Variants in CNIH3 observed in about 807,000 individuals in gnomAD.
CNIH3 encodes cornichon family AMPA receptor auxiliary protein 3.
In CNIH3, 14 loss-of-function variants were observed where a neutral mutation model predicts 24.1. That is an observed-to-expected ratio of 0.58 (90% CI 0.38 to 0.91). The LOEUF (loss-of-function observed/expected upper bound fraction) is 0.91, where lower values mean the gene tolerates loss of function less well. Ranked by LOEUF, CNIH3 falls within the 40% of genes least tolerant of loss-of-function variation. The pLI is 0.00. For synonymous variants in CNIH3, 68 were observed against 73.8 expected, an observed-to-expected ratio of 0.92 and a Z score of 0.40; for missense variants, 178 against 196.8, an observed-to-expected ratio of 0.90 and a Z score of 0.57.
At chr1:224,450,576 A>G (rs1539205) in intron 1 of CNIH3, among the ~76,000 whole-genome samples, 149,353 of 152,316 alleles carry the variant, frequency 0.98, 73,285 homozygotes, top group East Asian at 1. Context: ...GCTAAAGCCA[A>G]GGCATTAAAA....
chr1:224,477,001 G>A (rs1676614207), intron 1 of CNIH3, among the ~76,000 whole-genome samples: 1 of 152,200 alleles, frequency 6.6e-6, no homozygotes, highest in South Asian at 2.1e-4. Flanking sequence ...GCAGCCCACA[G>A]TCCTAAAGCT....
intron 5 of CNIH3, among the ~76,000 whole-genome samples, chr1:224,585,342 A>G (rs1241421985): frequency 2.0e-5 from 3 of 152,214 alleles, no homozygotes; most frequent in Admixed American, 6.5e-5. Flanking sequence ...TATGCCAGGC[A>G]CTGTGCTGAT....
chr1:224,482,774 C>A (rs1676866478), intron 1 of CNIH3, among the ~76,000 whole-genome samples: 1 of 152,138 alleles, frequency 6.6e-6, no homozygotes, highest in South Asian at 2.1e-4. Flanking sequence ...GTGTGCTCCT[C>A]AGGTCCTTTG....
intron 2 of CNIH3, among the ~76,000 whole-genome samples, chr1:224,529,970 C>T (rs1678999802): frequency 6.6e-6 from 1 of 152,166 alleles, no homozygotes; most frequent in Non-Finnish European, 1.5e-5. Flanking sequence ...TGGAGGGGAG[C>T]CAGCTTGGTA....
intron 1 of CNIH3, among the ~76,000 whole-genome samples, chr1:224,485,645 C>T (rs1005090023): frequency 9.2e-5 from 14 of 152,092 alleles, no homozygotes; most frequent in Non-Finnish European, 1.9e-4. Flanking sequence ...GATGGTGCCA[C>T]AATGCCTGGC....
intron 3 of CNIH3, among the ~76,000 whole-genome samples, chr1:224,723,891 A>C (rs140058748): frequency 2.1e-3 from 325 of 152,284 alleles, no homozygotes; most frequent in African/African-American, 7.3e-3. Flanking sequence ...TAAAATCAGT[A>C]GGTGTCATAT....
At chr1:224,518,108 T>A (rs952488449) in intron 1 of CNIH3, among the ~76,000 whole-genome samples, 3 of 152,176 alleles carry the variant, frequency 2.0e-5, no homozygotes, top group African/African-American at 4.8e-5. Context: ...ACCTTAGAGA[T>A]GAATTCTCTA....
intron 2 of CNIH3, among the ~76,000 whole-genome samples, chr1:224,528,900 T>C (rs1272740968): frequency 1.3e-5 from 2 of 152,182 alleles, no homozygotes; most frequent in African/African-American, 4.8e-5. Flanking sequence ...AGGAAGCTAA[T>C]GGTGGGATTA....
intron 1 of CNIH3, among the ~76,000 whole-genome samples, chr1:224,678,794 TTTAA>T (rs1318378783): frequency 2.6e-5 from 4 of 152,180 alleles, no homozygotes; most frequent in South Asian, 2.1e-4. Context: ...TTAATTTAAT[TTTAA>T]TTAATTAAAA....
chr1:224,506,651 G>A (rs1292649755), intron 1 of CNIH3, among the ~76,000 whole-genome samples: 1 of 152,126 alleles, frequency 6.6e-6, no homozygotes, highest in East Asian at 1.9e-4. Flanking sequence ...AGATCAGAAG[G>A]GCAGCCAACA....
intron 1 of CNIH3, among the ~76,000 whole-genome samples, chr1:224,680,553 C>T (rs952156183): frequency 3.9e-5 from 6 of 152,194 alleles, no homozygotes; most frequent in African/African-American, 1.4e-4. Flanking sequence ...GTCTGTTTCA[C>T]TTCCAATCAC....
At chr1:224,551,458 A>T (rs1679918165) in intron 3 of CNIH3, among the ~76,000 whole-genome samples, 1 of 152,216 alleles carries the variant, frequency 6.6e-6, no homozygotes, top group African/African-American at 2.4e-5. Context: ...TATTTCGTTA[A>T]TATCACAGTG....
intron 4 of CNIH3, among the ~76,000 whole-genome samples, chr1:224,567,372 A>T (rs1320033364): frequency 6.6e-6 from 1 of 152,156 alleles, no homozygotes; most frequent in Non-Finnish European, 1.5e-5. Context: ...CTTTAGTTTA[A>T]TTAGATCCCA....
chr1:224,575,707 T>C (rs556112008), intron 4 of CNIH3, among the ~76,000 whole-genome samples: 2 of 152,248 alleles, frequency 1.3e-5, no homozygotes, highest in African/African-American at 2.4e-5. Context: ...AATGTCATCC[T>C]TTCAGCAAGA....
intron 1 of CNIH3, among the ~76,000 whole-genome samples, chr1:224,487,933 ATCT>A (rs1458136150): frequency 2.6e-5 from 4 of 152,124 alleles, no homozygotes; most frequent in Non-Finnish European, 4.4e-5. Flanking sequence ...GAAACAATAA[ATCT>A]TCTTTCTCTT....
intron 1 of CNIH3, among the ~76,000 whole-genome samples, chr1:224,495,248 C>CAG (rs1677390149): frequency 6.6e-6 from 1 of 152,204 alleles, no homozygotes; most frequent in Non-Finnish European, 1.5e-5. Context: ...TCCCAGCCCC[C>CAG]TTCTCTCCCA....
chr1:224,568,185 G>C (rs1328630319), intron 4 of CNIH3, among the ~76,000 whole-genome samples: 2 of 152,082 alleles, frequency 1.3e-5, no homozygotes, highest in Non-Finnish European at 2.9e-5. Context: ...AGCTACTCTG[G>C]AGGCTGAGGG....
At chr1:224,564,212 C>T (rs905394551) in intron 3 of CNIH3, among the ~76,000 whole-genome samples, 1 of 152,200 alleles carries the variant, frequency 6.6e-6, no homozygotes, top group Non-Finnish European at 1.5e-5. Context: ...TAATTCATCA[C>T]ATAGTATCAA....
chr1:224,459,264 C>T (rs1256512853), intron 1 of CNIH3: 7 of 971,500 alleles, frequency 7.2e-6, no homozygotes, highest in South Asian at 4.8e-5. Flanking sequence ...AACAGAAGGC[C>T]GAAACCCTGA....
Sources: allele counts gnomAD v4.1 joint callset (sites outside exome capture counted in the v4.1 genomes callset), GRCh38; gene constraint gnomAD v4.1.1; transcripts MANE v1.5; gene names NCBI Gene and HGNC (gene_info 2026-07-23, HGNC 2026-07-21).